The following GREB1L variants were observed in gnomAD, a reference collection of about 807,000 sequenced individuals.
The protein encoded by GREB1L is GREB1 like retinoic acid receptor coactivator.
GREB1L carries 17 observed loss-of-function variants against 200.8 expected under a neutral mutation model. That is an observed-to-expected ratio of 0.08 (90% CI 0.06 to 0.13). The LOEUF (loss-of-function observed/expected upper bound fraction) is 0.13. Ranked by LOEUF, GREB1L falls within the 10% of genes least tolerant of loss-of-function variation. The probability of loss-of-function intolerance (pLI) is 1.00; values close to 1 mark genes in which losing one functional copy is unlikely to be tolerated. For missense variants in GREB1L, 1,657 were observed against 2,367.7 expected, an observed-to-expected ratio of 0.70 and a Z score of 6.23; for synonymous variants, 789 against 893.0, an observed-to-expected ratio of 0.88 and a Z score of 2.08.
intron 7 of GREB1L, among the ~76,000 whole-genome samples, chr18:21,413,240 A>G (rs1343720101): frequency 2.0e-5 from 3 of 152,262 alleles, no homozygotes; most frequent in Non-Finnish European, 4.4e-5. Flanking sequence ...CACATAGCCT[A>G]TCACTTTGTT....
intron 32 of GREB1L, among the ~76,000 whole-genome samples, chr18:21,521,260 A>G (rs62090760): frequency 0.011 from 1,615 of 151,914 alleles, 16 homozygotes; most frequent in Admixed American, 0.022. Context: ...AATCCCAGCT[A>G]CTCGGGAGGC....
At chr18:21,310,738 A>G (rs1056960505) in intron 1 of GREB1L, among the ~76,000 whole-genome samples, 4 of 152,232 alleles carry the variant, frequency 2.6e-5, no homozygotes, top group African/African-American at 4.8e-5. Context: ...TTCATATTCT[A>G]TTACTAAGAG....
intron 5 of GREB1L, among the ~76,000 whole-genome samples, chr18:21,397,643 G>A (rs1450011948): frequency 6.6e-6 from 1 of 152,170 alleles, no homozygotes; most frequent in East Asian, 1.9e-4. Flanking sequence ...GGAGCTTGCA[G>A]TGAGCCAAGA....
chr18:21,301,179 A>G (rs2038611657), intron 1 of GREB1L, among the ~76,000 whole-genome samples: 1 of 152,182 alleles, frequency 6.6e-6, no homozygotes, highest in African/African-American at 2.4e-5. Context: ...TTTGCCATTT[A>G]TTTCATGGCT....
At chr18:21,353,301 A>G (rs2039461060) in intron 1 of GREB1L, among the ~76,000 whole-genome samples, 1 of 152,032 alleles carries the variant, frequency 6.6e-6, no homozygotes, top group African/African-American at 2.4e-5. Context: ...TCACTTACGG[A>G]TGGATTTGTA....
intron 17 of GREB1L, among the ~76,000 whole-genome samples, chr18:21,479,492 A>C (rs1384567427): frequency 6.6e-6 from 1 of 152,042 alleles, no homozygotes; most frequent in Non-Finnish European, 1.5e-5. Context: ...CAGCCTGGGC[A>C]ACATGGTGAA....
intron 1 of GREB1L, among the ~76,000 whole-genome samples, chr18:21,330,455 C>G (rs1598664055): frequency 6.6e-6 from 1 of 152,172 alleles, no homozygotes; most frequent in Admixed American, 6.5e-5. Context: ...TGCGCTCTTA[C>G]CACCACTTAG....
At chr18:21,256,879 C>T (rs1345840830) in intron 1 of GREB1L, among the ~76,000 whole-genome samples, 1 of 151,888 alleles carries the variant, frequency 6.6e-6, no homozygotes, top group East Asian at 1.9e-4. Context: ...TTGGTACACG[C>T]CTATAATCCT....
intron 7 of GREB1L, among the ~76,000 whole-genome samples, chr18:21,412,089 A>T (rs2031111689): frequency 6.7e-6 from 1 of 149,766 alleles, no homozygotes; most frequent in Non-Finnish European, 1.5e-5. Context: ...AGAATGGGTA[A>T]GTAAATTGTG....
intron 20 of GREB1L, 67 bp downstream of exon 20, chr18:21,495,852 C>CCATCAGCCAAGTT: frequency 1.2e-6 from 1 of 824,960 alleles, no homozygotes; most frequent in Non-Finnish European, 1.9e-6. Context: ...TAAAACTTGG[C>CCATCAGCCAAGTT]TGATGGCCCA....
At chr18:21,510,266 G>C (rs986001785) in intron 27 of GREB1L, among the ~76,000 whole-genome samples, 2 of 150,422 alleles carry the variant, frequency 1.3e-5, no homozygotes, top group African/African-American at 4.9e-5. Flanking sequence ...TTAAAGTTCA[G>C]AAGTGTTAAG....
At chr18:21,345,968 G>C (rs1486600202) in intron 1 of GREB1L, among the ~76,000 whole-genome samples, 1 of 151,776 alleles carries the variant, frequency 6.6e-6, no homozygotes, top group Non-Finnish European at 1.5e-5. Context: ...AGACCGAATA[G>C]AGCAGAGATC....
intron 23 of GREB1L, among the ~76,000 whole-genome samples, chr18:21,504,514 T>G (rs2036932734): frequency 6.6e-6 from 1 of 152,138 alleles, no homozygotes; most frequent in African/African-American, 2.4e-5. Context: ...CTAGCCTGAG[T>G]GACAGAGTGA....
intron 15 of GREB1L, among the ~76,000 whole-genome samples, chr18:21,466,693 A>C (rs150526867): frequency 1.0e-3 from 158 of 152,330 alleles, no homozygotes; most frequent in Non-Finnish European, 2.1e-3. Context: ...ATTGGTGTAC[A>C]GATTCAATGC....
chr18:21,462,995 CAT>C (rs1243644361), intron 15 of GREB1L, among the ~76,000 whole-genome samples: 1 of 151,996 alleles, frequency 6.6e-6, no homozygotes, highest in African/African-American at 2.4e-5. Context: ...GTTAATGTGA[CAT>C]ATCCTATGGG....
chr18:21,505,621 C>A, intron 24 of GREB1L, 54 bp downstream of exon 24: 1 of 1,530,896 alleles, frequency 6.5e-7, no homozygotes, highest in South Asian at 1.2e-5. Context: ...GACACTAGCT[C>A]AGGGTGCCTT....
chr18:21,484,883 A>C (rs2036068464), intron 17 of GREB1L, among the ~76,000 whole-genome samples: 1 of 152,214 alleles, frequency 6.6e-6, no homozygotes, highest in Admixed American at 6.5e-5. Flanking sequence ...GACAGCAAGC[A>C]GTGACTGTAA....
chr18:21,491,978 C>T (rs1166303035), intron 19 of GREB1L, among the ~76,000 whole-genome samples: 1 of 151,960 alleles, frequency 6.6e-6, no homozygotes, highest in Non-Finnish European at 1.5e-5. Context: ...AACAAAACTC[C>T]GGAAACGCTT....
At chr18:21,263,319 TCCTTGTCTTCGTCCATTACAAAAA>T (rs1264151169) in intron 1 of GREB1L, among the ~76,000 whole-genome samples, 1 of 152,230 alleles carries the variant, frequency 6.6e-6, no homozygotes, top group African/African-American at 2.4e-5. Flanking sequence ...TAGGTCACTA[TCCTTGTCTTCGTCCATTACAAAAA>T]TAGCCTTAAG....
Sources: allele counts gnomAD v4.1 joint callset (sites outside exome capture counted in the v4.1 genomes callset), GRCh38; gene constraint gnomAD v4.1.1; transcripts MANE v1.5; gene names NCBI Gene and HGNC (gene_info 2026-07-23, HGNC 2026-07-21).